Variants in FN1 observed in about 807,000 individuals in gnomAD.
FN1 encodes the protein fibronectin 1.
In FN1, 106 loss-of-function variants were observed where a neutral mutation model predicts 297.3. The observed-to-expected ratio is 0.36, with a 90% CI of 0.30 to 0.42. The LOEUF is 0.42. Among genes scored for constraint, FN1 ranks in the 10% least tolerant of loss-of-function variants. The pLI is 1.00. For missense variants in FN1, 2,690 were observed against 3,124.9 expected (o/e 0.86, Z 3.32); for synonymous variants, 1,149 against 1,152.6 (o/e 1.00, Z 0.06).
chr2:215,370,429 T>C lies in FN1; in HGVS notation c.6718A>G (p.Arg2240Gly), dbSNP rs1381484292. ...GCACTGGTAGAAGTTCCAGGAACCC[T>C]GAACTGCAATTATCGGTACATCCAA... is the stretch of plus-strand genomic sequence containing the variant. ...VGTDEEPLQF[R>G]VPGTSTSATL... Residue 2240 changes from arginine (R) to glycine (G), a missense_variant, in exon 41 of 46, where the codon AGG becomes GGG. Physicochemically the swap from Arg to Gly is moderately radical, Grantham distance 125. Around this residue, in one of 3 missense-constraint regions of FN1, gnomAD observed 1,743 missense variants for 1,945.2 expected, o/e 0.90. Transcript: ENST00000354785. The C allele has an allele frequency of 6.8e-6, 11 of 1,613,450 alleles. No homozygotes were observed. Among genetic ancestry groups the C allele is most frequent in the Non-Finnish European group, 6.8e-6 (8 of 1,179,794 alleles).
intron 31 of FN1, among the ~76,000 whole-genome samples, chr2:215,382,780 A>G (rs975706298): frequency 6.6e-6 from 1 of 152,184 alleles, no homozygotes; most frequent in African/African-American, 2.4e-5. Context: ...AGATGTCCAT[A>G]TCACTAAATA....
At chr2:215,399,131 T>C in intron 21 of FN1, 126 bp downstream of exon 21, 5 of 741,534 alleles carry the variant, frequency 6.7e-6, no homozygotes, top group Non-Finnish European at 9.8e-6. Context: ...TAGTCAAAGA[T>C]GTATGGACAG....
chr2:215,387,002 G>C (rs2059112090), intron 27 of FN1, 44 bp from the exon 28 acceptor site: 1 of 1,555,054 alleles, frequency 6.4e-7, no homozygotes, highest in African/African-American at 1.4e-5. Context: ...AAAAAGAAAA[G>C]ACACCACCAG....
chr2:215,386,548 A>G lies in FN1; in HGVS notation c.4612+141T>C, dbSNP rs146512128. 7.3e-3 allele frequency: 5,210 copies of G among 717,776 alleles called. 36 individuals are homozygous for G. The highest frequency in any genetic ancestry group is 8.6e-3 in the Non-Finnish European group (3,860 of 449,068). 44.5% of individuals were successfully genotyped at this position (717,776 alleles called of 1,614,324 possible). ...TCCACATTTTCTCACTTCCCTCTCC[A>G]TGTACCATGACAATGATCTATTTTT... On this transcript the variant is annotated intron_variant, in intron 28 of 45. Coordinates refer to ENST00000354785, the MANE Select transcript of FN1 (RefSeq NM_212482.4).
intron 1 of FN1, 132 bp downstream of exon 1, chr2:215,435,523 C>T: frequency 1.5e-6 from 2 of 1,338,680 alleles, no homozygotes; most frequent in South Asian, 1.3e-5. Context: ...TTTGTGTGCA[C>T]AGCTGGTTTC....
intron 32 of FN1, chr2:215,381,786 C>A: frequency 3.4e-6 from 1 of 293,156 alleles, no homozygotes; most frequent in Non-Finnish European, 6.6e-6. Flanking sequence ...TTACACTCTT[C>A]TTTTCCCCTC....
chr2:215,391,583 G>A (rs2059708338), intron 26 of FN1, 49 bp downstream of exon 26: 1 of 1,506,026 alleles, frequency 6.6e-7, no homozygotes, highest in Admixed American at 1.7e-5. Context: ...GAATTCATTT[G>A]CTATGCTCTA....
At chr2:215,394,804 A>G (rs1476270937) in intron 23 of FN1, 85 bp from the exon 24 acceptor site, 8 of 1,049,598 alleles carry the variant, frequency 7.6e-6, no homozygotes, top group Non-Finnish European at 1.2e-5. Flanking sequence ...ATGGATTCAC[A>G]GGGCGGAATG....
intron 28 of FN1, 88 bp downstream of exon 28, chr2:215,386,601 T>C (rs2059042909): frequency 7.3e-6 from 5 of 682,868 alleles, no homozygotes; most frequent in Non-Finnish European, 9.6e-6. Context: ...TTTTGAGAGC[T>C]GATGACAGAC....
chr2:215,371,284 G>T (rs942248666), intron 40 of FN1, among the ~76,000 whole-genome samples: 2 of 149,876 alleles, frequency 1.3e-5, no homozygotes, highest in African/African-American at 4.9e-5. Flanking sequence ...AAAAAAAAAT[G>T]GATACTGTCA....
chr2:215,406,742 C>T (rs2061823897), intron 18 of FN1, among the ~76,000 whole-genome samples: 1 of 152,040 alleles, frequency 6.6e-6, no homozygotes, highest in African/African-American at 2.4e-5. Flanking sequence ...TATGAAGTGT[C>T]ATATGGTGGT....
rs2064504077 is a variant in FN1 at position 215,422,111 on chromosome 2, A to G, written c.1526T>C (p.Ile509Thr). The G allele has an allele frequency of 6.2e-7, 1 of 1,614,202 alleles. No individual in the cohort carries two copies. The highest frequency in any genetic ancestry group is 8.5e-7 in the Non-Finnish European group (1 of 1,180,016). ...CATACCTCGAAGCTGCGAGTAGGCA[A>G]TGCATGTCCATTCCCCACGACCATT... is the stretch of plus-strand genomic sequence containing the variant. The part of the protein sequence containing the change: ...VGNGRGEWTC[I>T]AYSQLRDQCI... The change falls in exon 10 of 46, where the codon ATT becomes ACT. Residue 509 changes from isoleucine (I) to threonine (T), a missense_variant. Coordinates refer to ENST00000354785, the MANE Select transcript of FN1 (RefSeq NM_212482.4).
In FN1 at chr2:215,378,272, T is replaced by A. The variant is rs374875142; in HGVS notation, c.5623-10A>T. The A allele has an allele frequency of 3.7e-5, 58 of 1,555,842 alleles. No individual in the cohort carries two copies. Among genetic ancestry groups the A allele is most frequent in the African/African-American group, 6.8e-5 (5 of 73,774 alleles). The stretch of plus-strand genomic sequence containing the variant: ...CATATTTGGTGGCCACCTAGAGAAA[T>A]AAGGGCATGGTGAGCTTTAGCAACG... On this transcript the variant is annotated splice_polypyrimidine_tract_variant and intron_variant, in intron 34 of 45. Coordinates refer to ENST00000354785, the MANE Select transcript of FN1 (RefSeq NM_212482.4).
Position 215,399,347 on chromosome 2 carries a change from C to A in FN1, c.3258G>T (p.Gln1086His). The part of the protein sequence containing the change: ...PKATGVFTTL[Q>H]PGSSIPPYNT... ...TGTAAGGTGGAATAGAGCTCCCAGG[C>A]TGCACTGTGAGAGAGAATCAATGCA... Residue 1086 changes from glutamine to histidine, a missense_variant, in exon 21 of 46, where the codon CAG becomes CAT. By Grantham distance (24) the Gln-to-His change is conservative. This residue lies in a region of FN1 where 1,743 missense variants were observed against 1,945.2 expected (regional missense o/e 0.90). Coordinates refer to ENST00000354785, the MANE Select transcript of FN1 (RefSeq NM_212482.4). 6.2e-7 allele frequency: 1 copy of A among 1,610,348 alleles called. No homozygotes were observed. Among genetic ancestry groups the A allele is most frequent in the Non-Finnish European group, 8.5e-7 (1 of 1,176,608 alleles).
At position 215,372,194 on chromosome 2, in the gene FN1, A is replaced by T; in HGVS notation, c.6429T>A (p.Phe2143Leu). The T allele has an allele frequency of 6.2e-7, 1 of 1,614,206 alleles. No homozygotes were observed. ...TGGTCCGCCTAAAACCATGTTCCTC[A>T]AAGATCATTTGTTGCCCAACACTGG... ...QQPSVGQQMI[F>L]EEHGFRRTTP... Residue 2143 changes from phenylalanine (F) to leucine (L), a missense_variant, in exon 40 of 46, where the codon TTT becomes TTA. By Grantham distance (22) the Phe-to-Leu change is conservative. Around this residue, in one of 3 missense-constraint regions of FN1, gnomAD observed 1,743 missense variants for 1,945.2 expected, o/e 0.90. Coordinates refer to ENST00000354785, the MANE Select transcript of FN1 (RefSeq NM_212482.4).
At chr2:215,394,955 G>A (rs2060137928) in intron 23 of FN1, among the ~76,000 whole-genome samples, 1 of 152,126 alleles carries the variant, frequency 6.6e-6, no homozygotes, top group African/African-American at 2.4e-5. Flanking sequence ...CCAGGCTGGA[G>A]TGCAGCGGTG....
chr2:215,392,080 C>T, intron 25 of FN1: 2 of 441,918 alleles, frequency 4.5e-6, no homozygotes, highest in Non-Finnish European at 8.3e-6. Flanking sequence ...AATATGTTGA[C>T]TTTATGTACA....
At chr2:215,381,460 A>G (rs1273181055) in intron 32 of FN1, 2 of 320,478 alleles carry the variant, frequency 6.2e-6, no homozygotes, top group Admixed American at 4.7e-5. Context: ...TCAGATTCAA[A>G]TTGTTATAAT....
intron 37 of FN1, 61 bp downstream of exon 37, chr2:215,375,568 G>T: frequency 7.5e-7 from 1 of 1,340,860 alleles, no homozygotes; most frequent in Non-Finnish European, 1.1e-6. Context: ...TTTGTTTTTT[G>T]AGTTCATGAA....
Sources: gnomAD v4.1 joint callset for allele counts (sites outside exome capture counted in the v4.1 genomes callset) on GRCh38, gnomAD v4.1.1 for gene constraint, gnomAD v4.1.1 regional missense constraint, MANE v1.5 for transcripts, NCBI Gene and HGNC (gene_info 2026-07-23, HGNC 2026-07-21) for gene names.